EEA1: variants seen among roughly 807,000 people sequenced by gnomAD.
The protein encoded by EEA1 is early endosome antigen 1, also known as early endosome antigen 1, 162kD.
A neutral mutation model predicts 209.2 loss-of-function variants in EEA1; 111 were observed. That is an observed-to-expected ratio of 0.53 (90% CI 0.45 to 0.62). The LOEUF (loss-of-function observed/expected upper bound fraction) is 0.62. Ranked by LOEUF, EEA1 falls within the 20% of genes least tolerant of loss-of-function variation. The pLI is 0.00. For synonymous variants in EEA1, 536 were observed against 540.6 expected, an observed-to-expected ratio of 0.99 and a Z score of 0.12; for missense variants, 1,343 against 1,530.8, an observed-to-expected ratio of 0.88 and a Z score of 2.05.
intron 10 of EEA1, among the ~76,000 whole-genome samples, chr12:92,834,231 C>A (rs1202182635): frequency 6.6e-6 from 1 of 151,790 alleles, no homozygotes; most frequent in African/African-American, 2.4e-5. Context: ...AAAGCAGTGT[C>A]CAGAGAGATG....
At chr12:92,791,189 T>C (rs1431424252) in intron 21 of EEA1, among the ~76,000 whole-genome samples, 1 of 152,158 alleles carries the variant, frequency 6.6e-6, no homozygotes, top group African/African-American at 2.4e-5. Context: ...GTAAAGACCA[T>C]TGATGCTATG....
At chr12:92,921,676 C>A (rs1288723488) in intron 1 of EEA1, among the ~76,000 whole-genome samples, 2 of 137,106 alleles carry the variant, frequency 1.5e-5, no homozygotes, top group Admixed American at 1.5e-4. Context: ...GTGCAGCGCA[C>A]CAGCATGGCA....
Position 92,851,256 on chromosome 12 carries a change from G to A in EEA1, c.653C>T (p.Pro218Leu), listed in dbSNP as rs1877618903. Residue 218 changes from proline (P) to leucine (L), a missense_variant, in exon 9 of 29, where the codon CCT becomes CTT. Coordinates refer to ENST00000322349, the MANE Select transcript of EEA1 (RefSeq NM_003566.4). ...TAGCACGGCAACATCTTCTATACCA[G>A]GTCTCTGAAGCTGTGAAACAACACA... ...QDLKTELLQR[P>L]GIEDVAVLKK... is the part of the protein sequence containing the mutation. 1 of 1,608,856 alleles carries A rather than the reference G, an allele frequency of 6.2e-7. No individual in the cohort carries two copies.
intron 28 of EEA1, 98 bp downstream of exon 28, chr12:92,776,746 T>C: frequency 1.8e-6 from 2 of 1,127,082 alleles, no homozygotes; most frequent in Admixed American, 3.9e-5. Flanking sequence ...AAACAGAAAA[T>C]TATTCTGTCA....
chr12:92,793,681 A>G (rs1277884693), intron 21 of EEA1, among the ~76,000 whole-genome samples: 1 of 152,214 alleles, frequency 6.6e-6, no homozygotes, highest in East Asian at 1.9e-4. Flanking sequence ...AGGAAAAATC[A>G]ATATCATGAA....
intron 18 of EEA1, among the ~76,000 whole-genome samples, chr12:92,808,047 A>T (rs1252465747): frequency 6.6e-6 from 1 of 152,220 alleles, no homozygotes; most frequent in Admixed American, 6.5e-5. Context: ...ATGGTATATT[A>T]AAAATATCTT....
intron 10 of EEA1, among the ~76,000 whole-genome samples, chr12:92,836,570 C>T (rs539445662): frequency 6.6e-6 from 1 of 152,180 alleles, no homozygotes; most frequent in Non-Finnish European, 1.5e-5. Context: ...AATTAAACTA[C>T]TTTGTAGCTC....
intron 5 of EEA1, among the ~76,000 whole-genome samples, chr12:92,856,546 A>G (rs1338748340): frequency 1.3e-5 from 2 of 151,982 alleles, no homozygotes; most frequent in South Asian, 2.1e-4. Flanking sequence ...CCAGTTTTCA[A>G]TCTTCACTAA....
chr12:92,853,315 T>C (rs1565836048), intron 6 of EEA1, among the ~76,000 whole-genome samples: 1 of 152,172 alleles, frequency 6.6e-6, no homozygotes, highest in Non-Finnish European at 1.5e-5. Flanking sequence ...TATTTTCCCA[T>C]ATCCATCAAA....
chr12:92,824,945 C>A (rs1043330007), intron 13 of EEA1, among the ~76,000 whole-genome samples: 3 of 152,114 alleles, frequency 2.0e-5, no homozygotes, highest in African/African-American at 7.2e-5. Flanking sequence ...ATAAATGAAT[C>A]CAGTATTTTG....
In EEA1 at chr12:92,809,069, A is replaced by G. The variant is rs1875353607; in HGVS notation, c.2287T>C (p.Leu763=). Reference sequence around the variant, plus strand: ...CTCAATTCTGTGGCTCTGAGCTCTAAATCTGTGTTCAGCTGTCTTTGCTGT... The same window carrying G: ...CTCAATTCTGTGGCTCTGAGCTCTAGATCTGTGTTCAGCTGTCTTTGCTGT... The part of the protein sequence containing the change: ...LQQQRQLNTD[L]ELRATELSKQ... Residue 763 remains leucine (L), a synonymous_variant, in exon 18 of 29, where the codon TTA becomes CTA. Coordinates refer to ENST00000322349, the MANE Select transcript of EEA1 (RefSeq NM_003566.4). 2 of 1,606,784 alleles carry G rather than the reference A, an allele frequency of 1.2e-6. No individual in the cohort carries two copies. Among genetic ancestry groups the G allele is most frequent in the Non-Finnish European group, 1.7e-6 (2 of 1,176,242 alleles).
At chr12:92,796,896 A>G (rs1239737990) in intron 21 of EEA1, among the ~76,000 whole-genome samples, 1 of 152,218 alleles carries the variant, frequency 6.6e-6, no homozygotes, top group Non-Finnish European at 1.5e-5. Context: ...CATTAAATTG[A>G]GCTCAGAAAG....
At chr12:92,839,030 G>A (rs564846950) in intron 10 of EEA1, among the ~76,000 whole-genome samples, 2 of 152,148 alleles carry the variant, frequency 1.3e-5, no homozygotes, top group African/African-American at 4.8e-5. Context: ...TTTGTTGCCA[G>A]TGATAAAACT....
rs1290825024 is a variant in EEA1 at position 92,802,425 on chromosome 12, T to C, written c.2649A>G (p.Gly883=). ...TAACCAAGTCTAATATAGCGGCTTT[T>C]CCTTTCTGATTCTCCTTTTCAAATT... ...KSEFEKENQK[G]KAAILDLEKT... is the part of the protein sequence containing the mutation. The change falls in exon 19 of 29, where the codon GGA becomes GGG. Residue 883 remains glycine, a synonymous_variant. Coordinates refer to ENST00000322349, the MANE Select transcript of EEA1 (RefSeq NM_003566.4). The C allele has an allele frequency of 1.9e-6, 3 of 1,577,180 alleles. No individual in the cohort carries two copies. Among genetic ancestry groups the C allele is most frequent in the Non-Finnish European group, 2.6e-6 (3 of 1,171,252 alleles).
chr12:92,859,332 G>A (rs1878029152), intron 3 of EEA1: 1 of 1,138,926 alleles, frequency 8.8e-7, no homozygotes, highest in Non-Finnish European at 1.3e-6. Context: ...AAGCCTTCAA[G>A]CTCTGAGGGA....
chr12:92,830,955 G>A (rs910273129), intron 11 of EEA1, among the ~76,000 whole-genome samples: 8 of 152,226 alleles, frequency 5.3e-5, no homozygotes, highest in Non-Finnish European at 1.2e-4. Flanking sequence ...GACAGGGCCA[G>A]CAGAAGCAGG....
intron 22 of EEA1, among the ~76,000 whole-genome samples, chr12:92,787,067 C>T (rs1403843194): frequency 6.6e-6 from 1 of 152,144 alleles, no homozygotes; most frequent in Non-Finnish European, 1.5e-5. Context: ...TTCCTTATAA[C>T]AGCCTATGGA....
chr12:92,811,556 G>A (rs1875509743), intron 16 of EEA1, 122 bp from the exon 17 acceptor site: 2 of 594,190 alleles, frequency 3.4e-6, no homozygotes, highest in African/African-American at 1.9e-5. Flanking sequence ...TAAGAGCTCA[G>A]ATAAATCTAA....
chr12:92,835,602 A>G (rs1316674868), intron 10 of EEA1, among the ~76,000 whole-genome samples: 2 of 150,774 alleles, frequency 1.3e-5, no homozygotes, highest in Admixed American at 6.6e-5. Flanking sequence ...TAGTAGAGAC[A>G]GGGTTTCACC....
Sources: gnomAD v4.1 joint callset for allele counts (sites outside exome capture counted in the v4.1 genomes callset) on GRCh38, gnomAD v4.1.1 for gene constraint, MANE v1.5 for transcripts, NCBI Gene and HGNC (gene_info 2026-07-23, HGNC 2026-07-21) for gene names.